Variants in TM6SF2 observed in about 807,000 individuals in gnomAD.
TM6SF2 encodes the protein transmembrane 6 superfamily member 2.
Under a neutral mutation model 41.0 loss-of-function variants are expected in TM6SF2, and 29 were observed. That is an observed-to-expected ratio of 0.71 (90% CI 0.53 to 0.96). TM6SF2 has a LOEUF of 0.96. Among genes scored for constraint, TM6SF2 ranks in the 50% least tolerant of loss-of-function variants. TM6SF2 has a pLI of 0.00. For synonymous variants in TM6SF2, 200 were observed against 209.1 expected, an observed-to-expected ratio of 0.96 and a Z score of 0.37; for missense variants, 475 against 499.0, an observed-to-expected ratio of 0.95 and a Z score of 0.46.
At chr19:19,273,005 C>A (rs1337209870) in intron 1 of TM6SF2, 116 bp downstream of exon 1, 2 of 804,618 alleles carry the variant, frequency 2.5e-6, no homozygotes, top group African/African-American at 1.8e-5. Flanking sequence ...GGGCGCAGGG[C>A]TCGCAGAAGC....
At chr19:19,271,775 C>A (rs1041690402) in intron 1 of TM6SF2, among the ~76,000 whole-genome samples, 3 of 152,182 alleles carry the variant, frequency 2.0e-5, no homozygotes, top group African/African-American at 7.2e-5. Context: ...AGGTGATTTG[C>A]CCACCTCGGC....
chr19:19,270,523 G>A (rs2061020005), intron 2 of TM6SF2, 81 bp from the exon 3 acceptor site: 1 of 1,492,122 alleles, frequency 6.7e-7, no homozygotes, highest in East Asian at 2.5e-5. Context: ...GGCGGGGCTT[G>A]AAGTTAAGGT....
rs1481559015 is a variant in TM6SF2 at position 19,268,615 on chromosome 19, G to A, written c.609+15C>T. On this transcript the variant is annotated intron_variant, in intron 6 of 9. Coordinates refer to ENST00000389363, the MANE Select transcript of TM6SF2 (RefSeq NM_001001524.3). ...GGCACATTGGGACAAGGCCTAAGAG[G>A]GGTAAGGCACTCACCATGTTGGCGG... is the stretch of plus-strand genomic sequence containing the variant. The A allele has an allele frequency of 6.4e-7, 1 of 1,566,732 alleles. No homozygotes were observed. The highest frequency in any genetic ancestry group is 2.4e-5 in the East Asian group (1 of 41,378).
intron 2 of TM6SF2, among the ~76,000 whole-genome samples, chr19:19,270,818 T>C (rs1185478578): frequency 6.6e-6 from 1 of 152,240 alleles, no homozygotes; most frequent in Non-Finnish European, 1.5e-5. Context: ...TCCCTGTTCT[T>C]AGGAGCCCCA....
At chr19:19,267,357 A>G (rs1244033403) in intron 8 of TM6SF2, among the ~76,000 whole-genome samples, 1 of 145,686 alleles carries the variant, frequency 6.9e-6, no homozygotes, top group Non-Finnish European at 1.5e-5. Context: ...CACAAGAGCA[A>G]AACTCTGTTT....
chr19:19,268,525 A>G, intron 6 of TM6SF2, 105 bp downstream of exon 6: 1 of 1,449,032 alleles, frequency 6.9e-7, no homozygotes, highest in Non-Finnish European at 9.1e-7. Flanking sequence ...CTTTCTTGTG[A>G]CAAAGGAGAA....
At chr19:19,271,194 G>A in intron 1 of TM6SF2, 69 bp from the exon 2 acceptor site, 3 of 1,279,256 alleles carry the variant, frequency 2.3e-6, no homozygotes, top group Admixed American at 1.7e-5. Flanking sequence ...TCTCCCTGGT[G>A]GGGGAAGGGG....
At chr19:19,266,669 T>C (rs1218018911) in intron 8 of TM6SF2, 60 bp from the exon 9 acceptor site, 2 of 1,553,440 alleles carry the variant, frequency 1.3e-6, no homozygotes, top group Non-Finnish European at 1.7e-6. Flanking sequence ...CCCAGGTGGG[T>C]CTCCTGAGAC....
chr19:19,264,900 G>A (rs775286282), intron 9 of TM6SF2, 27 bp from the exon 10 acceptor site: 34 of 1,498,128 alleles, frequency 2.3e-5, no homozygotes, highest in Non-Finnish European at 2.9e-5. Flanking sequence ...GAAGATGGAT[G>A]TCAGGGGCCA....
intron 9 of TM6SF2, 99 bp downstream of exon 9, chr19:19,266,391 G>C: frequency 1.3e-6 from 2 of 1,511,442 alleles, no homozygotes; most frequent in Non-Finnish European, 1.8e-6. Flanking sequence ...CCTCTTGGGG[G>C]CTCATCATTA....
Position 19,269,774 on chromosome 19 carries a change from G to T in TM6SF2, c.402-5C>A. ...CCAAAATTCCGGTATCTCTTCCTGA[G>T]CAGGGGATGGAGGGGTGACCAGCAG... On this transcript the variant is annotated splice_region_variant and splice_polypyrimidine_tract_variant and intron_variant, in intron 4 of 9. Coordinates refer to ENST00000389363, the MANE Select transcript of TM6SF2 (RefSeq NM_001001524.3). 1 of 1,614,090 alleles carries T rather than the reference G, an allele frequency of 6.2e-7. No individual in the cohort carries two copies. Among genetic ancestry groups the T allele is most frequent in the South Asian group, 1.1e-5 (1 of 91,082 alleles).
At chr19:19,266,368 C>G (rs2061002911) in intron 9 of TM6SF2, 122 bp downstream of exon 9, 1 of 1,399,736 alleles carries the variant, frequency 7.1e-7, no homozygotes, top group Non-Finnish European at 9.8e-7. Context: ...GGATATTGGG[C>G]CTGGGGCTGG....
chr19:19,271,177 GC>G, intron 1 of TM6SF2, 52 bp from the exon 2 acceptor site: 1 of 1,433,520 alleles, frequency 7.0e-7, no homozygotes, highest in Non-Finnish European at 9.8e-7. Context: ...CTGAGGCATC[GC>G]CCCACTCTCC....
In TM6SF2 at chr19:19,269,768, T is replaced by G. The variant is rs2061016213; in HGVS notation, c.403A>C (p.Lys135Gln). The G allele has an allele frequency of 6.2e-7, 1 of 1,613,938 alleles. No homozygotes were observed. Among genetic ancestry groups the G allele is most frequent in the African/African-American group, 1.3e-5 (1 of 74,916 alleles). ...TAGAGTCCAAAATTCCGGTATCTCTTCCTGAGCAGGGGATGGAGGGGTGAC... is the reference window on the plus strand; with the variant it reads ...TAGAGTCCAAAATTCCGGTATCTCTGCCTGAGCAGGGGATGGAGGGGTGAC... ...LAMAGAICRR[K>Q]RYRNFGLYWL... Residue 135 changes from lysine to glutamine, a missense_variant and splice_region_variant, in exon 5 of 10, where the codon AAG (lysine) becomes CAG (glutamine). Transcript: ENST00000389363.
At chr19:19,267,791 C>T in intron 7 of TM6SF2, 78 bp from the exon 8 acceptor site, 1 of 1,408,038 alleles carries the variant, frequency 7.1e-7, no homozygotes, top group Non-Finnish European at 9.9e-7. Flanking sequence ...AGGCCCACAC[C>T]CCTTGCTCTG....
chr19:19,267,305 T>A (rs1187543280), intron 8 of TM6SF2, among the ~76,000 whole-genome samples: 2 of 146,784 alleles, frequency 1.4e-5, no homozygotes, highest in African/African-American at 5.1e-5. Context: ...GAGGTGGAGG[T>A]TGCAGTGAGC....
chr19:19,271,764 C>T (rs1405429189), intron 1 of TM6SF2, among the ~76,000 whole-genome samples: 1 of 152,062 alleles, frequency 6.6e-6, no homozygotes, highest in Non-Finnish European at 1.5e-5. Flanking sequence ...CTCCTGACCT[C>T]AGGTGATTTG....
intron 1 of TM6SF2, among the ~76,000 whole-genome samples, chr19:19,271,684 C>T (rs938542544): frequency 1.3e-5 from 2 of 152,044 alleles, no homozygotes; most frequent in Admixed American, 6.6e-5. Context: ...GTGCCCACCA[C>T]CACACCCGGC....
chr19:19,270,755 A>C (rs1568613052), intron 2 of TM6SF2, among the ~76,000 whole-genome samples: 2 of 152,166 alleles, frequency 1.3e-5, no homozygotes, highest in African/African-American at 4.8e-5. Flanking sequence ...TCTCAAAGTG[A>C]TGAGGCAGTA....
Sources: allele counts gnomAD v4.1 joint callset (sites outside exome capture counted in the v4.1 genomes callset), GRCh38; gene constraint gnomAD v4.1.1; transcripts MANE v1.5; gene names NCBI Gene and HGNC (gene_info 2026-07-23, HGNC 2026-07-21).